Variants in EPN2 observed in about 807,000 individuals in gnomAD.
EPN2 encodes epsin-2.
In EPN2, 34 loss-of-function variants were observed where a neutral mutation model predicts 61.7. The ratio of observed to expected loss-of-function variants is 0.55; its 90% CI spans 0.42 to 0.73. The LOEUF is 0.73. EPN2 is among the 30% of genes least tolerant of loss of function. The pLI is 0.00. For synonymous variants in EPN2, 349 were observed against 353.6 expected (o/e 0.99, Z 0.15); for missense variants, 714 against 839.2 (o/e 0.85, Z 1.84).
intron 2 of EPN2, 26 bp downstream of exon 2, chr17:19,282,103 A>C (rs980055262): frequency 2.6e-5 from 4 of 152,134 alleles, no homozygotes; most frequent in African/African-American, 9.7e-5. Context: ...CTGGAGGAAG[A>C]GAGGGGATAG....
intron 4 of EPN2, among the ~76,000 whole-genome samples, chr17:19,289,724 GTTTTTTTT>G (rs58087532): frequency 5.1e-5 from 4 of 78,028 alleles, no homozygotes; most frequent in Non-Finnish European, 9.2e-5. Flanking sequence ...GGCGCTCATG[GTTTTTTTT>G]TTTTTTTTTT....
At chr17:19,247,670 C>T (rs1330303332) in intron 1 of EPN2, among the ~76,000 whole-genome samples, 2 of 152,150 alleles carry the variant, frequency 1.3e-5, no homozygotes, top group Non-Finnish European at 2.9e-5. Context: ...TCTGATGAGA[C>T]AGCAGCCTTG....
intron 4 of EPN2, among the ~76,000 whole-genome samples, chr17:19,289,053 C>G (rs2045432111): frequency 7.2e-6 from 1 of 137,976 alleles, no homozygotes; most frequent in Non-Finnish European, 1.5e-5. Context: ...GAAATCTGGG[C>G]AGTAGCCAGG....
chr17:19,254,578 A>G (rs1435455558), intron 1 of EPN2, among the ~76,000 whole-genome samples: 1 of 152,106 alleles, frequency 6.6e-6, no homozygotes, highest in Non-Finnish European at 1.5e-5. Flanking sequence ...AGAAAACTGT[A>G]CTATATATAA....
chr17:19,250,460 G>C (rs1448199415), intron 1 of EPN2, among the ~76,000 whole-genome samples: 2 of 152,086 alleles, frequency 1.3e-5, no homozygotes, highest in African/African-American at 4.8e-5. Flanking sequence ...ATATTCACAG[G>C]TTCTGAGGTT....
rs573267819 is a variant in EPN2, at chr17:19,290,472, C to T, written c.766+4682C>T. ...GAATGGAAAGAAAGATTGCTGCTGT[C>T]CTCTCACCAAGGACACTCTAAGGCC... On this transcript the variant is annotated intron_variant, in intron 4 of 10. Transcript: ENST00000314728. Among the ~76,000 whole-genome samples, 186 of 152,202 alleles carry T rather than the reference C, an allele frequency of 1.2e-3. 1 individual carries two copies. The highest frequency in any genetic ancestry group is 2.7e-3 in the South Asian group (13 of 4,826).
chr17:19,321,673 T>C (rs1906644248), intron 7 of EPN2, among the ~76,000 whole-genome samples: 1 of 151,754 alleles, frequency 6.6e-6, no homozygotes, highest in African/African-American at 2.4e-5. Context: ...GGGGAGATGA[T>C]GCATGGTCAG....
intron 5 of EPN2, among the ~76,000 whole-genome samples, chr17:19,310,938 A>G (rs1906108251): frequency 2.6e-5 from 4 of 152,150 alleles, no homozygotes; most frequent in African/African-American, 2.4e-5. Context: ...AGGAGCAATT[A>G]GAGTGGCCTT....
At chr17:19,252,658 T>A (rs1029843755) in intron 1 of EPN2, among the ~76,000 whole-genome samples, 6 of 152,222 alleles carry the variant, frequency 3.9e-5, no homozygotes, top group Non-Finnish European at 8.8e-5. Context: ...GCTGATTTTT[T>A]AAAATTGTGG....
rs1037432628 is a variant in EPN2, at chr17:19,279,375, G to A, written c.-293-2580G>A. Among the ~76,000 whole-genome samples, 4 of 152,144 alleles carry A rather than the reference G, an allele frequency of 2.6e-5. No homozygotes were observed. In the East Asian group the frequency reaches 7.7e-4, roughly 29 times the overall value. The stretch of plus-strand genomic sequence containing the variant: ...GAGGTCTTCTGCTTCCACCCACAAG[G>A]TCACCAGATGGGGGAGGGCAGCAGA... On this transcript the variant is annotated intron_variant, in intron 1 of 10. Coordinates refer to ENST00000314728, the MANE Select transcript of EPN2 (RefSeq NM_014964.5).
intron 1 of EPN2, among the ~76,000 whole-genome samples, chr17:19,266,127 C>T (rs1396875045): frequency 2.0e-5 from 3 of 152,144 alleles, no homozygotes; most frequent in African/African-American, 2.4e-5. Context: ...ATCCTGAAGA[C>T]GTGAGTTCCC....
intron 4 of EPN2, among the ~76,000 whole-genome samples, chr17:19,301,747 C>G (rs764656346): frequency 6.6e-6 from 1 of 152,244 alleles, no homozygotes; most frequent in African/African-American, 2.4e-5. Flanking sequence ...GCCATCGCCT[C>G]CTGTCAGAGC....
rs541492630 is a variant in EPN2, at chr17:19,335,541, G to C, written c.*1287G>C. ...AGATGGGGATAATGTGGAAATGGCA[G>C]TTGTCCCGAGGGCGTGGGGTGGGGG... On this transcript the variant is annotated 3_prime_UTR_variant, in exon 11 of 11. Coordinates refer to ENST00000314728, the MANE Select transcript of EPN2 (RefSeq NM_014964.5). 3.4e-6 allele frequency: 5 copies of C among 1,482,828 alleles called. No individual in the cohort carries two copies. The African/African-American group carries it at 7.0e-5, about 21-fold the overall frequency. 91.9% of individuals were successfully genotyped at this position (1,482,828 alleles called of 1,614,324 possible).
At chr17:19,323,452 A>T (rs142027760) in intron 7 of EPN2, among the ~76,000 whole-genome samples, 193 of 152,348 alleles carry the variant, frequency 1.3e-3, no homozygotes, top group Non-Finnish European at 2.4e-3. Flanking sequence ...AGATCCAGGA[A>T]GCCTGGTGAA....
At chr17:19,248,149 G>A (rs1247718261) in intron 1 of EPN2, among the ~76,000 whole-genome samples, 2 of 152,212 alleles carry the variant, frequency 1.3e-5, no homozygotes, top group Non-Finnish European at 2.9e-5. Context: ...AATGTGGTGC[G>A]GGGACTGGGT....
chr17:19,311,250 T>A (rs1471617277), intron 5 of EPN2, among the ~76,000 whole-genome samples: 1 of 152,180 alleles, frequency 6.6e-6, no homozygotes, highest in Non-Finnish European at 1.5e-5. Context: ...TGCATGTGGC[T>A]TCATGGCCAG....
At chr17:19,239,158 A>T (rs2044851537) in intron 1 of EPN2, among the ~76,000 whole-genome samples, 1 of 152,132 alleles carries the variant, frequency 6.6e-6, no homozygotes, top group Non-Finnish European at 1.5e-5. Context: ...TTTTTTATTT[A>T]TTTATTTTTT....
intron 1 of EPN2, among the ~76,000 whole-genome samples, chr17:19,270,340 G>A (rs2045240412): frequency 6.6e-6 from 1 of 152,214 alleles, no homozygotes; most frequent in African/African-American, 2.4e-5. Context: ...CAGAGGAGAA[G>A]GGCAGGCAAG....
chr17:19,309,795 G>A, intron 4 of EPN2, 90 bp from the exon 5 acceptor site: 1 of 962,788 alleles, frequency 1.0e-6, no homozygotes, highest in Non-Finnish European at 1.7e-6. Context: ...GTTTGAGATG[G>A]GAATGGAATG....
Sources: gnomAD v4.1 joint callset for allele counts (sites outside exome capture counted in the v4.1 genomes callset) on GRCh38, gnomAD v4.1.1 for gene constraint, MANE v1.5 for transcripts, NCBI Gene and HGNC (gene_info 2026-07-23, HGNC 2026-07-21) for gene names.